The following LRRC7 variants were observed in gnomAD, a reference collection of about 807,000 sequenced individuals.
LRRC7 encodes leucine-rich repeat-containing protein 7.
Under a neutral mutation model 175.7 loss-of-function variants are expected in LRRC7, and 23 were observed. The ratio of observed to expected loss-of-function variants is 0.13; its 90% CI spans 0.09 to 0.19. The LOEUF (loss-of-function observed/expected upper bound fraction) is 0.19. LRRC7 is among the 10% of genes least tolerant of loss of function. The pLI is 1.00. For missense variants in LRRC7, 1,354 were observed against 1,904.7 expected, an observed-to-expected ratio of 0.71 and a Z score of 5.38; for synonymous variants, 685 against 680.9, an observed-to-expected ratio of 1.01 and a Z score of -0.09.
At chr1:69,882,656 C>T (rs537772963) in intron 7 of LRRC7, among the ~76,000 whole-genome samples, 3 of 148,852 alleles carry the variant, frequency 2.0e-5, no homozygotes, top group Non-Finnish European at 4.4e-5. Flanking sequence ...GGTACATGTG[C>T]ACATTGTGCA....
chr1:69,674,068 C>T (rs1014985660), intron 1 of LRRC7, among the ~76,000 whole-genome samples: 12 of 152,148 alleles, frequency 7.9e-5, no homozygotes, highest in Non-Finnish European at 1.5e-4. Context: ...AGTGTAGTGG[C>T]ATGATCACAG....
chr1:70,070,195 G>A (rs141108256), intron 23 of LRRC7, among the ~76,000 whole-genome samples: 197 of 152,020 alleles, frequency 1.3e-3, no homozygotes, highest in Middle Eastern at 0.01. Context: ...GCGTTTCGCC[G>A]TGTTGCCCAG....
At chr1:69,983,488 A>G (rs539720581) in intron 9 of LRRC7, among the ~76,000 whole-genome samples, 1 of 152,356 alleles carries the variant, frequency 6.6e-6, no homozygotes, top group East Asian at 1.9e-4. Flanking sequence ...CTATTCCCCC[A>G]GCTTCTGGAA....
At chr1:69,776,606 A>T (rs1672838020) in intron 3 of LRRC7, among the ~76,000 whole-genome samples, 1 of 152,204 alleles carries the variant, frequency 6.6e-6, no homozygotes, top group Non-Finnish European at 1.5e-5. Flanking sequence ...ATTAGAGGAA[A>T]CAACAATATT....
At chr1:69,725,046 G>T (rs1258148357) in intron 2 of LRRC7, among the ~76,000 whole-genome samples, 1 of 151,544 alleles carries the variant, frequency 6.6e-6, no homozygotes, top group African/African-American at 2.4e-5. Context: ...ACTAATACCC[G>T]CTGTTTACTG....
chr1:69,693,591 CATT>C (rs982604949), intron 2 of LRRC7, among the ~76,000 whole-genome samples: 164 of 147,816 alleles, frequency 1.1e-3, no homozygotes, highest in African/African-American at 4.1e-3. Flanking sequence ...GACCCACTCA[CATT>C]ATGCAGGGCA....
chr1:69,720,219 TAAAC>T (rs1666202308), intron 2 of LRRC7, among the ~76,000 whole-genome samples: 1 of 151,660 alleles, frequency 6.6e-6, no homozygotes, highest in Non-Finnish European at 1.5e-5. Context: ...ATTTTGGAAA[TAAAC>T]AGATACTTCT....
chr1:69,831,140 T>C (rs1680486465), intron 5 of LRRC7, among the ~76,000 whole-genome samples: 1 of 151,902 alleles, frequency 6.6e-6, no homozygotes, highest in Non-Finnish European at 1.5e-5. Context: ...TCCCTACCAA[T>C]AGAAAATTAG....
intron 4 of LRRC7, among the ~76,000 whole-genome samples, chr1:69,816,134 C>A (rs533981405): frequency 1.3e-5 from 2 of 152,100 alleles, no homozygotes; most frequent in Admixed American, 6.6e-5. Flanking sequence ...CCCGCCCTCA[C>A]ACCCAGCTCA....
intron 1 of LRRC7, among the ~76,000 whole-genome samples, chr1:69,668,956 G>C (rs1401599275): frequency 6.6e-6 from 1 of 152,122 alleles, no homozygotes; most frequent in African/African-American, 2.4e-5. Context: ...TTTGAGAAGT[G>C]TCTGTTCATA....
chr1:69,602,784 C>T (rs1473094500), intron 1 of LRRC7, among the ~76,000 whole-genome samples: 2 of 152,110 alleles, frequency 1.3e-5, no homozygotes, highest in African/African-American at 4.8e-5. Context: ...TTCAGGTTAG[C>T]AACTTATGGC....
At chr1:69,662,198 G>GTA (rs1657569820) in intron 1 of LRRC7, among the ~76,000 whole-genome samples, 1 of 152,112 alleles carries the variant, frequency 6.6e-6, no homozygotes, top group African/African-American at 2.4e-5. Context: ...ATGTAAAGAT[G>GTA]CTCTATAACC....
chr1:69,998,901 C>T (rs1452037200), intron 11 of LRRC7, among the ~76,000 whole-genome samples: 1 of 152,176 alleles, frequency 6.6e-6, no homozygotes, highest in East Asian at 1.9e-4. Flanking sequence ...CCATGACCAC[C>T]ACTGGATACA....
At chr1:69,984,072 C>T (rs550453301) in intron 9 of LRRC7, among the ~76,000 whole-genome samples, 1 of 152,132 alleles carries the variant, frequency 6.6e-6, no homozygotes, top group South Asian at 2.1e-4. Flanking sequence ...ATTACAGGTG[C>T]CCGCCACCAT....
At chr1:69,710,280 A>AC (rs1477288175) in intron 2 of LRRC7, among the ~76,000 whole-genome samples, 22 of 146,156 alleles carry the variant, frequency 1.5e-4, no homozygotes, top group Admixed American at 1.5e-3. Context: ...CTCCGTCTCA[A>AC]AAAAAAAAAA....
At chr1:69,904,126 A>G (rs1034099325) in intron 7 of LRRC7, among the ~76,000 whole-genome samples, 3 of 152,188 alleles carry the variant, frequency 2.0e-5, no homozygotes, top group Non-Finnish European at 4.4e-5. Flanking sequence ...ATATACCAGC[A>G]ATATAGGTTT....
chr1:69,840,042 G>C (rs1170173646), intron 7 of LRRC7, among the ~76,000 whole-genome samples: 1 of 151,928 alleles, frequency 6.6e-6, no homozygotes, highest in Non-Finnish European at 1.5e-5. Context: ...TAGAACTGAT[G>C]TTGGGTCTCT....
intron 7 of LRRC7, among the ~76,000 whole-genome samples, chr1:69,907,735 G>A (rs1379221387): frequency 6.6e-6 from 1 of 152,128 alleles, no homozygotes; most frequent in Non-Finnish European, 1.5e-5. Context: ...TTTTGGTTGT[G>A]TCTCTGTCAG....
chr1:69,614,765 C>G (rs1649355818), intron 1 of LRRC7, among the ~76,000 whole-genome samples: 1 of 152,004 alleles, frequency 6.6e-6, no homozygotes, highest in South Asian at 2.1e-4. Flanking sequence ...TAAAATGCAA[C>G]AAATCTACTT....
Sources: allele counts gnomAD v4.1 joint callset (sites outside exome capture counted in the v4.1 genomes callset), GRCh38; gene constraint gnomAD v4.1.1; transcripts MANE v1.5; gene names NCBI Gene and HGNC (gene_info 2026-07-23, HGNC 2026-07-21).